SLC1A1: variants seen among roughly 807,000 people sequenced by gnomAD.
SLC1A1 encodes the protein excitatory amino acid transporter 3.
A neutral mutation model predicts 53.3 loss-of-function variants in SLC1A1; 43 were observed. The observed-to-expected ratio is 0.81, with a 90% CI of 0.63 to 1.04. SLC1A1 has a LOEUF of 1.04. SLC1A1 is among the 50% of genes least tolerant of loss of function. The probability of loss-of-function intolerance (pLI) is 0.00; values close to 1 mark genes in which losing one functional copy is unlikely to be tolerated. For missense variants in SLC1A1, 748 were observed against 664.9 expected, an observed-to-expected ratio of 1.12 and a Z score of -1.37; for synonymous variants, 307 against 243.2, an observed-to-expected ratio of 1.26 and a Z score of -2.44.
chr9:4,571,740 G>C (rs1334758239), intron 6 of SLC1A1, among the ~76,000 whole-genome samples: 1 of 152,108 alleles, frequency 6.6e-6, no homozygotes, highest in East Asian at 1.9e-4. Context: ...CAGGCATAAA[G>C]AGTGTTACTG....
At chr9:4,531,607 C>A (rs963903911) in intron 1 of SLC1A1, among the ~76,000 whole-genome samples, 7 of 152,196 alleles carry the variant, frequency 4.6e-5, no homozygotes, top group Non-Finnish European at 7.3e-5. Flanking sequence ...GCCTGCCTGC[C>A]TCTGTACACT....
intron 1 of SLC1A1, among the ~76,000 whole-genome samples, chr9:4,504,246 T>C (rs887316140): frequency 2.6e-5 from 4 of 152,210 alleles, no homozygotes; most frequent in Non-Finnish European, 4.4e-5. Context: ...CCCTGGATGG[T>C]AGAGCCTTTT....
chr9:4,509,245 G>C (rs964198244), intron 1 of SLC1A1, among the ~76,000 whole-genome samples: 1 of 152,184 alleles, frequency 6.6e-6, no homozygotes, highest in African/African-American at 2.4e-5. Context: ...TGGATCTGCT[G>C]GGATTGGGGG....
At chr9:4,566,449 GA>G (rs1265828628) in intron 5 of SLC1A1, among the ~76,000 whole-genome samples, 1 of 152,156 alleles carries the variant, frequency 6.6e-6, no homozygotes, top group South Asian at 2.1e-4. Context: ...ACTTTCTGCA[GA>G]AAAAAGGTAG....
intron 7 of SLC1A1, 79 bp downstream of exon 7, chr9:4,572,467 G>A (rs1820146817): frequency 7.9e-7 from 1 of 1,270,182 alleles, no homozygotes; most frequent in African/African-American, 1.5e-5. Flanking sequence ...GAGGTTTTAT[G>A]TTTGTCAACT....
chr9:4,515,607 C>T (rs1057453026), intron 1 of SLC1A1, among the ~76,000 whole-genome samples: 2 of 58,646 alleles, frequency 3.4e-5, no homozygotes. Flanking sequence ...CCTTGATGAA[C>T]ATCAACAATG....
rs114321265 is a variant in SLC1A1 at position 4,509,326 on chromosome 9, G to A, written c.91+18556G>A. ...AGCAGACTCAAAAGAGTTTCACTGA[G>A]CAGAATTGAATCAAGGGACTATTTA... is the stretch of plus-strand genomic sequence containing the variant. On this transcript the variant is annotated intron_variant, in intron 1 of 11. Transcript: ENST00000262352. Among the ~76,000 whole-genome samples the A allele has an allele frequency of 3.6e-3, 542 of 152,276 alleles. 4 individuals carry two copies. The highest frequency in any genetic ancestry group is 0.012 in the African/African-American group (515 of 41,554).
chr9:4,542,200 G>GAGGA (rs144072029), intron 1 of SLC1A1, among the ~76,000 whole-genome samples: 5,135 of 141,238 alleles, frequency 0.036, 133 homozygotes, highest in South Asian at 0.059. Context: ...CGGAGGGAGG[G>GAGGA]AGGAAGGAAG....
chr9:4,573,679 T>C (rs142231880), intron 7 of SLC1A1, among the ~76,000 whole-genome samples: 234 of 152,068 alleles, frequency 1.5e-3, no homozygotes, highest in South Asian at 3.5e-3. Flanking sequence ...AACTACCCTA[T>C]GGTAGTTTGG....
At chr9:4,567,170 C>T (rs979345208) in intron 5 of SLC1A1, among the ~76,000 whole-genome samples, 1 of 152,220 alleles carries the variant, frequency 6.6e-6, no homozygotes, top group Non-Finnish European at 1.5e-5. Flanking sequence ...GTCTCACTCA[C>T]TGAATAGCCC....
intron 10 of SLC1A1, among the ~76,000 whole-genome samples, chr9:4,581,550 G>A (rs1035657813): frequency 1.3e-4 from 20 of 152,330 alleles, no homozygotes; most frequent in African/African-American, 3.6e-4. Flanking sequence ...ACTGTGACAC[G>A]TCAGGGTTTC....
At chr9:4,502,715 A>C (rs1563995089) in intron 1 of SLC1A1, among the ~76,000 whole-genome samples, 2 of 151,748 alleles carry the variant, frequency 1.3e-5, no homozygotes, top group African/African-American at 2.4e-5. Context: ...ATCATTAAGC[A>C]AGTCTTCTTC....
Position 4,556,506 on chromosome 9 carries a change from A to G in SLC1A1, c.233-4943A>G, listed in dbSNP as rs1472643691. ...CGAGTTCTGATAGTGAACTGTAAAG[A>G]GAGGGGGTCCTTCAGACCTCGCCAG... On this transcript the variant is annotated intron_variant, in intron 2 of 11. Coordinates refer to ENST00000262352, the MANE Select transcript of SLC1A1 (RefSeq NM_004170.6). This position sits in a 1 kb window ranked among gnomAD's most constrained non-coding sequence, Gnocchi z 4.1. Among the ~76,000 whole-genome samples, 1 of 152,214 alleles carries G rather than the reference A, an allele frequency of 6.6e-6. No individual in the cohort carries two copies. The highest frequency in any genetic ancestry group is 1.9e-4 in the East Asian group (1 of 5,194).
chr9:4,495,003 C>T (rs1356292434), intron 1 of SLC1A1, among the ~76,000 whole-genome samples: 1 of 152,146 alleles, frequency 6.6e-6, no homozygotes, highest in Non-Finnish European at 1.5e-5. Context: ...CTTTGGAGCG[C>T]TAAGGAAGCA....
chr9:4,576,936 C>T (rs969552682), intron 10 of SLC1A1, among the ~76,000 whole-genome samples, 173 bp downstream of exon 10: 3 of 152,212 alleles, frequency 2.0e-5, no homozygotes, highest in Non-Finnish European at 4.4e-5. Context: ...ATTTCTGCTT[C>T]GGGGTCTGGG....
chr9:4,578,882 G>C (rs1396699726), intron 10 of SLC1A1, among the ~76,000 whole-genome samples: 2 of 152,208 alleles, frequency 1.3e-5, no homozygotes, highest in Non-Finnish European at 2.9e-5. Context: ...GAAGACTTTT[G>C]TTCAGTTTAG....
chr9:4,534,270 G>T lies in SLC1A1; in HGVS notation c.92-10297G>T, dbSNP rs990420383. Reference sequence around the variant, plus strand: ...CCCTTCAAAAAATCAATGAATCCAGGAGCTGGTTTTTTGAAAAGATCAACA... The same window carrying T: ...CCCTTCAAAAAATCAATGAATCCAGTAGCTGGTTTTTTGAAAAGATCAACA... On this transcript the variant is annotated intron_variant, in intron 1 of 11. Coordinates refer to ENST00000262352, the MANE Select transcript of SLC1A1 (RefSeq NM_004170.6). Among the ~76,000 whole-genome samples, 44 of 152,244 alleles carry T rather than the reference G, an allele frequency of 2.9e-4. 1 individual carries two copies. The highest frequency in any genetic ancestry group is 9.9e-4 in the African/African-American group (41 of 41,552).
intron 1 of SLC1A1, among the ~76,000 whole-genome samples, chr9:4,515,611 A>AACATCAGTGTAAAGC: frequency 7.0e-6 from 1 of 143,636 alleles, no homozygotes; most frequent in African/African-American, 3.0e-5. Context: ...GATGAACATC[A>AACATCAGTGTAAAGC]ACAATGTCAA....
intron 1 of SLC1A1, among the ~76,000 whole-genome samples, chr9:4,505,943 C>A (rs577697643): frequency 8.7e-4 from 132 of 152,358 alleles, no homozygotes; most frequent in African/African-American, 3.0e-3. Flanking sequence ...CCTGCCTCAG[C>A]TTCCCAAGTA....
Sources: allele counts gnomAD v4.1 joint callset (sites outside exome capture counted in the v4.1 genomes callset), GRCh38; gene constraint gnomAD v4.1.1; non-coding constraint Gnocchi (gnomAD v3.1); transcripts MANE v1.5; gene names NCBI Gene and HGNC (gene_info 2026-07-23, HGNC 2026-07-21).